Variants in ANKRD27 observed in about 807,000 individuals in gnomAD.
The protein encoded by ANKRD27 is ankyrin repeat domain 27, also known as ankyrin repeat domain-containing protein 27.
ANKRD27 carries 112 observed loss-of-function variants against 129.7 expected under a neutral mutation model. The ratio of observed to expected loss-of-function variants is 0.86; its 90% confidence interval spans 0.74 to 1.01. The LOEUF is 1.01. ANKRD27 is among the 50% of genes least tolerant of loss of function. The pLI, the probability that ANKRD27 is intolerant of heterozygous loss-of-function variation, is 0.00. For synonymous variants in ANKRD27, 516 were observed against 511.2 expected (o/e 1.01, Z -0.13); for missense variants, 1,258 against 1,300.5 (o/e 0.97, Z 0.50).
chr19:32,622,644 T>C, intron 17 of ANKRD27, 25 bp from the exon 18 acceptor site: 2 of 1,611,616 alleles, frequency 1.2e-6, no homozygotes, highest in Non-Finnish European at 1.7e-6. Context: ...GGAAATGGCA[T>C]CGCTCATGGA....
chr19:32,619,231 C>G (rs1163607383), intron 20 of ANKRD27, 29 bp downstream of exon 20: 13 of 1,600,520 alleles, frequency 8.1e-6, no homozygotes, highest in Admixed American at 1.7e-5. Context: ...AAGGCCTCCC[C>G]TCCCCAGCCC....
intron 28 of ANKRD27, among the ~76,000 whole-genome samples, chr19:32,599,096 G>A (rs1199025548): frequency 1.3e-5 from 2 of 152,042 alleles, no homozygotes; most frequent in Admixed American, 6.6e-5. Flanking sequence ...CCTGGCCAAC[G>A]TGGTGAAACT....
chr19:32,644,184 T>G, intron 5 of ANKRD27, 141 bp downstream of exon 5: 1 of 1,044,858 alleles, frequency 9.6e-7, no homozygotes, highest in Non-Finnish European at 1.4e-6. Context: ...TAAACTACTT[T>G]TATAGTTAGA....
Position 32,649,665 on chromosome 19 carries a change from C to G in ANKRD27, c.213+17G>C. 6.4e-7 allele frequency: 1 copy of G among 1,560,812 alleles called. No homozygotes were observed. The highest frequency in any genetic ancestry group is 1.4e-5 in the African/African-American group (1 of 73,876). ...ACCGAGTAGGTGACCCTGGCTGATC[C>G]ACCAAGAAATGAATACCTTTCCATT... On this transcript the variant is annotated intron_variant, in intron 3 of 28. Transcript: ENST00000306065.
intron 25 of ANKRD27, among the ~76,000 whole-genome samples, chr19:32,603,036 C>T (rs371830227): frequency 6.6e-6 from 1 of 152,098 alleles, no homozygotes; most frequent in African/African-American, 2.4e-5. Flanking sequence ...CAGTGGCTCA[C>T]GTCTGTAATC....
intron 12 of ANKRD27, among the ~76,000 whole-genome samples, chr19:32,632,698 T>C (rs1362725653): frequency 6.6e-6 from 1 of 151,900 alleles, no homozygotes; most frequent in Non-Finnish European, 1.5e-5. Flanking sequence ...CCAAACCATG[T>C]AATGACAAAT....
chr19:32,656,059 A>AAAAGAAAAGAAAG (rs1967514520), intron 2 of ANKRD27, among the ~76,000 whole-genome samples: 3 of 65,882 alleles, frequency 4.6e-5, no homozygotes, highest in Admixed American at 1.5e-4. Flanking sequence ...GAAAAGAAAG[A>AAAAGAAAAGAAAG]AAAGAAAGAA....
rs776972590 is a variant in ANKRD27, at chr19:32,619,445, C to T, written c.1887+49G>A. On this transcript the variant is annotated intron_variant, in intron 19 of 28. Coordinates refer to ENST00000306065, the MANE Select transcript of ANKRD27 (RefSeq NM_032139.3). ...AAGGACACGTGAGGACCAGAGAAGG[C>T]GCCCTTGGTCTCCAAGGTAACCTGA... 4.0e-5 allele frequency: 65 copies of T among 1,613,800 alleles called. No individual in the cohort carries two copies. In the East Asian group the frequency reaches 4.9e-4, roughly 12 times the overall value.
chr19:32,668,434 G>A (rs1967801154), intron 1 of ANKRD27, among the ~76,000 whole-genome samples: 4 of 151,684 alleles, frequency 2.6e-5, no homozygotes, highest in African/African-American at 7.3e-5. Context: ...AATGTGCTGG[G>A]GTTACAAGGC....
intron 22 of ANKRD27, among the ~76,000 whole-genome samples, chr19:32,611,202 C>A (rs1443280400): frequency 6.6e-6 from 1 of 152,086 alleles, no homozygotes; most frequent in African/African-American, 2.4e-5. Context: ...TGGGAAAACA[C>A]AGGGAGGAGA....
intron 2 of ANKRD27, chr19:32,655,193 G>C (rs1469066402): frequency 1.3e-5 from 2 of 152,300 alleles, no homozygotes; most frequent in Non-Finnish European, 2.9e-5. Flanking sequence ...GCCAAACTTA[G>C]TGTGGAGATG....
intron 2 of ANKRD27, among the ~76,000 whole-genome samples, chr19:32,655,838 T>C (rs550077848): frequency 5.3e-5 from 8 of 152,022 alleles, no homozygotes; most frequent in African/African-American, 1.9e-4. Context: ...CTCAACATAG[T>C]GAAACCCCAT....
rs1443696386 is a variant in ANKRD27, at chr19:32,643,639, A to G, written c.526-8T>C. 1 of 1,613,870 alleles carries G rather than the reference A, an allele frequency of 6.2e-7. No individual in the cohort carries two copies. The highest frequency in any genetic ancestry group is 8.5e-7 in the Non-Finnish European group (1 of 1,180,012). ...GAGAGCATTCGCTGAGTCCTAAACC[A>G]CATAGAGCAGAGGGACAGGCCACCC... is the stretch of plus-strand genomic sequence containing the variant. On this transcript the variant is annotated splice_region_variant and splice_polypyrimidine_tract_variant and intron_variant, in intron 5 of 28. Coordinates refer to ENST00000306065, the MANE Select transcript of ANKRD27 (RefSeq NM_032139.3).
intron 12 of ANKRD27, among the ~76,000 whole-genome samples, chr19:32,634,221 C>G (rs1967049365): frequency 6.6e-6 from 1 of 152,178 alleles, no homozygotes; most frequent in African/African-American, 2.4e-5. Context: ...ACCATCAATA[C>G]ATAGCAATGA....
rs201185739 is a variant in ANKRD27, at chr19:32,643,571, C to T, written c.585+1G>A. The T allele has an allele frequency of 5.6e-6, 9 of 1,613,992 alleles. No individual in the cohort carries two copies. In the East Asian group the frequency reaches 1.6e-4, roughly 28 times the overall value. On this transcript the variant is annotated splice_donor_variant, in intron 6 of 28. Transcript: ENST00000306065. LOFTEE classifies it high-confidence loss of function. ...TCCCTCTCAGAAGTCCTGCTGCTTACCAGGTGAGAGTCCCTCAGAAGCTGC... is the reference window on the plus strand; with the variant it reads ...TCCCTCTCAGAAGTCCTGCTGCTTATCAGGTGAGAGTCCCTCAGAAGCTGC...
chr19:32,611,684 C>T lies in ANKRD27; in HGVS notation c.2176-3852G>A, dbSNP rs142457257. ...GCAACCTCCGCCTCCTGGGTTCAAG[C>T]GATTCTCCTGCCTCAGCCTCCCGAG... On this transcript the variant is annotated intron_variant, in intron 22 of 28. Transcript: ENST00000306065. Among the ~76,000 whole-genome samples, 380 of 152,260 alleles carry T rather than the reference C, an allele frequency of 2.5e-3. 3 individuals carry two copies. The highest frequency in any genetic ancestry group is 8.8e-3 in the African/African-American group (367 of 41,550).
At chr19:32,641,447 T>C (rs1227275628) in intron 10 of ANKRD27, among the ~76,000 whole-genome samples, 2 of 152,150 alleles carry the variant, frequency 1.3e-5, no homozygotes, top group Non-Finnish European at 2.9e-5. Context: ...ATTTTGAAAT[T>C]TTAAGTAATT....
At chr19:32,621,491 G>A (rs1052768280) in intron 18 of ANKRD27, among the ~76,000 whole-genome samples, 1 of 152,106 alleles carries the variant, frequency 6.6e-6, no homozygotes, top group African/African-American at 2.4e-5. Flanking sequence ...AACCAGGTGT[G>A]GTGGTGGGCA....
intron 13 of ANKRD27, among the ~76,000 whole-genome samples, chr19:32,630,190 C>T (rs1246015672): frequency 2.0e-5 from 3 of 152,150 alleles, no homozygotes; most frequent in Non-Finnish European, 4.4e-5. Flanking sequence ...AGCAGGAAAC[C>T]CCATCAACAC....
Sources: gnomAD v4.1 joint callset for allele counts (sites outside exome capture counted in the v4.1 genomes callset) on GRCh38, gnomAD v4.1.1 for gene constraint, MANE v1.5 for transcripts, NCBI Gene and HGNC (gene_info 2026-07-23, HGNC 2026-07-21) for gene names.